TMOD3: variants seen among roughly 807,000 people sequenced by gnomAD.
The protein encoded by TMOD3 is tropomodulin 3.
TMOD3 carries 20 observed loss-of-function variants against 39.2 expected under a neutral mutation model. The ratio of observed to expected loss-of-function variants is 0.51; its 90% confidence interval spans 0.36 to 0.74. TMOD3 has a LOEUF of 0.74. TMOD3 is among the 30% of genes least tolerant of loss of function. The pLI is 0.00. For missense variants in TMOD3, 381 were observed against 412.8 expected (o/e 0.92, Z 0.67); for synonymous variants, 143 against 145.8 (o/e 0.98, Z 0.14).
intron 1 of TMOD3, among the ~76,000 whole-genome samples, chr15:51,849,429 A>G (rs747350484): frequency 1.8e-4 from 28 of 152,214 alleles, no homozygotes; most frequent in Non-Finnish European, 2.9e-4. Context: ...TTATCAGTGT[A>G]TGAAATCACC....
intron 3 of TMOD3, among the ~76,000 whole-genome samples, chr15:51,881,044 C>T (rs2056530673): frequency 6.6e-6 from 1 of 152,122 alleles, no homozygotes; most frequent in South Asian, 2.1e-4. Flanking sequence ...TTTTGATTTG[C>T]ATTTCCCTAA....
At chr15:51,904,040 A>G (rs1156733247) in intron 9 of TMOD3, among the ~76,000 whole-genome samples, 4 of 152,220 alleles carry the variant, frequency 2.6e-5, no homozygotes, top group Non-Finnish European at 5.9e-5. Flanking sequence ...ACACTACAGA[A>G]AAGTGACAGA....
chr15:51,864,050 G>A (rs2056432579), intron 2 of TMOD3, among the ~76,000 whole-genome samples: 1 of 152,042 alleles, frequency 6.6e-6, no homozygotes, highest in African/African-American at 2.4e-5. Flanking sequence ...TGGATCACTT[G>A]AGGCCAGGAG....
chr15:51,903,625 T>C (rs1282502399), intron 9 of TMOD3, among the ~76,000 whole-genome samples: 1 of 152,232 alleles, frequency 6.6e-6, no homozygotes, highest in African/African-American at 2.4e-5. Flanking sequence ...TTTGGTGTAT[T>C]GTTGATTCCA....
At chr15:51,878,414 T>G (rs972234749) in intron 3 of TMOD3, among the ~76,000 whole-genome samples, 1 of 97,558 alleles carries the variant, frequency 1.0e-5, no homozygotes, top group Non-Finnish European at 2.3e-5. Context: ...GTGTAAAACT[T>G]GTTTCATATA....
At chr15:51,879,856 T>TCACACACACACACA (rs68117829) in intron 3 of TMOD3, among the ~76,000 whole-genome samples, 23,947 of 142,290 alleles carry the variant, frequency 0.17, 2,421 homozygotes, top group South Asian at 0.21. Context: ...TCTCTGTCTT[T>TCACACACACACACA]CACACACACA....
intron 7 of TMOD3, among the ~76,000 whole-genome samples, chr15:51,897,650 A>C (rs1016918684): frequency 1.8e-4 from 27 of 151,186 alleles, no homozygotes; most frequent in African/African-American, 6.6e-4. Flanking sequence ...ACGCCTGGCT[A>C]ATTTTTGTAT....
intron 1 of TMOD3, among the ~76,000 whole-genome samples, chr15:51,837,857 A>G (rs2141666828): frequency 6.6e-6 from 1 of 152,250 alleles, no homozygotes; most frequent in Middle Eastern, 3.4e-3. Flanking sequence ...TAAGCCCCTT[A>G]GCCTTCCCTC....
intron 3 of TMOD3, among the ~76,000 whole-genome samples, chr15:51,882,948 A>C (rs1456826929): frequency 1.3e-5 from 2 of 152,222 alleles, no homozygotes; most frequent in African/African-American, 4.8e-5. Context: ...TTACAAAATT[A>C]ATTTCTTTAC....
chr15:51,859,424 T>C, intron 1 of TMOD3: 1 of 672,550 alleles, frequency 1.5e-6, no homozygotes, highest in Non-Finnish European at 2.8e-6. Flanking sequence ...TCTTGCTGTT[T>C]TCAAACTGAA....
chr15:51,887,401 T>A (rs571374051), intron 3 of TMOD3, among the ~76,000 whole-genome samples, 188 bp from the exon 4 acceptor site: 1 of 152,266 alleles, frequency 6.6e-6, no homozygotes, highest in South Asian at 2.1e-4. Flanking sequence ...GTTGACCTTT[T>A]CTTTCCAACT....
At chr15:51,904,150 A>G (rs954581573) in intron 9 of TMOD3, among the ~76,000 whole-genome samples, 7 of 152,200 alleles carry the variant, frequency 4.6e-5, no homozygotes, top group Non-Finnish European at 8.8e-5. Context: ...TATTGAGTGG[A>G]TATTTGAGTT....
intron 3 of TMOD3, among the ~76,000 whole-genome samples, chr15:51,876,611 G>A (rs1443441609): frequency 1.3e-5 from 2 of 151,856 alleles, no homozygotes; most frequent in Non-Finnish European, 2.9e-5. Context: ...ACAGGCACCT[G>A]CCACCTCGCC....
intron 5 of TMOD3, among the ~76,000 whole-genome samples, chr15:51,891,852 T>A (rs34407523): frequency 0.015 from 2,212 of 152,324 alleles, 86 homozygotes; most frequent in Admixed American, 0.074. Context: ...TTCCTTGTCT[T>A]GAACCAAGTT....
chr15:51,895,376 C>A (rs187065734), intron 6 of TMOD3, among the ~76,000 whole-genome samples: 1 of 151,978 alleles, frequency 6.6e-6, no homozygotes, highest in East Asian at 1.9e-4. Flanking sequence ...TCCACCACCA[C>A]ACCTGGCTAA....
intron 1 of TMOD3, among the ~76,000 whole-genome samples, chr15:51,837,293 A>AT (rs1363404332): frequency 6.6e-6 from 1 of 152,148 alleles, no homozygotes; most frequent in African/African-American, 2.4e-5. Context: ...TCAAATGTAT[A>AT]TGAGTCTGGC....
At chr15:51,893,786 A>C (rs1317955878) in intron 5 of TMOD3, 29 bp from the exon 6 acceptor site, 1 of 1,473,382 alleles carries the variant, frequency 6.8e-7, no homozygotes, top group Non-Finnish European at 9.0e-7. Flanking sequence ...AATGGTATCA[A>C]ATCCTGCTCT....
intron 7 of TMOD3, 125 bp downstream of exon 7, chr15:51,896,651 A>G: frequency 3.5e-6 from 2 of 576,726 alleles, no homozygotes; most frequent in Non-Finnish European, 5.8e-6. Context: ...TAGGCAGTAT[A>G]TTACTTACCA....
intron 3 of TMOD3, among the ~76,000 whole-genome samples, chr15:51,877,372 G>A (rs1183164864): frequency 1.3e-5 from 2 of 152,044 alleles, no homozygotes; most frequent in Non-Finnish European, 2.9e-5. Flanking sequence ...ATTCTTTGGA[G>A]TCTTGCTTTT....
Sources: gnomAD v4.1 joint callset for allele counts (sites outside exome capture counted in the v4.1 genomes callset) on GRCh38, gnomAD v4.1.1 for gene constraint, MANE v1.5 for transcripts, NCBI Gene and HGNC (gene_info 2026-07-23, HGNC 2026-07-21) for gene names.